The following SYNE3 variants were observed in gnomAD, a reference collection of about 807,000 sequenced individuals.
The protein encoded by SYNE3 is nesprin-3.
Under a neutral mutation model 111.2 loss-of-function variants are expected in SYNE3, and 100 were observed. The ratio of observed to expected loss-of-function variants is 0.90; its 90% CI spans 0.77 to 1.06. The LOEUF (loss-of-function observed/expected upper bound fraction) is 1.06. Among genes scored for constraint, SYNE3 ranks in the 50% least tolerant of loss-of-function variants. SYNE3 has a pLI of 0.00. For synonymous variants in SYNE3, 547 were observed against 533.9 expected (o/e 1.02, Z -0.34); for missense variants, 1,160 against 1,240.3 (o/e 0.94, Z 0.97).
chr14:95,466,800 G>A (rs1194565383), intron 3 of SYNE3, among the ~76,000 whole-genome samples: 2 of 152,198 alleles, frequency 1.3e-5, no homozygotes, highest in Non-Finnish European at 2.9e-5. Flanking sequence ...TGTCTCCCTG[G>A]GGGCTGGTGG....
At chr14:95,427,343 A>G (rs1379206745) in intron 17 of SYNE3, among the ~76,000 whole-genome samples, 2 of 151,452 alleles carry the variant, frequency 1.3e-5, no homozygotes. Context: ...TTTAGAGAAG[A>G]CTCTACTCCT....
chr14:95,503,515 A>G (rs1890416529), intron 1 of SYNE3, among the ~76,000 whole-genome samples: 1 of 151,138 alleles, frequency 6.6e-6, no homozygotes, highest in Non-Finnish European at 1.5e-5. Flanking sequence ...GCTCTTAACC[A>G]CTAGACCATT....
intron 2 of SYNE3, among the ~76,000 whole-genome samples, chr14:95,474,946 T>C (rs1420213849): frequency 1.3e-5 from 2 of 152,246 alleles, no homozygotes; most frequent in African/African-American, 4.8e-5. Flanking sequence ...GGAAGTCAAC[T>C]GCTCCATTTG....
rs1170613183 is a variant in SYNE3 at position 95,417,942 on chromosome 14, G to A, written c.2812C>T (p.Leu938Phe). 5.6e-6 allele frequency: 9 copies of A among 1,613,858 alleles called. No homozygotes were observed. Among genetic ancestry groups the A allele is most frequent in the Non-Finnish European group, 7.6e-6 (9 of 1,180,024 alleles). The change falls in exon 18 of 18, where the codon CTC becomes TTC. Residue 938 changes from leucine to phenylalanine, a missense_variant. Transcript: ENST00000682763. ...LPLQLLLLLF[L>F]LLLFLLPIRE... Reference sequence around the variant, plus strand: ...ATTGGGAGCAGGAACAGCAGGAGGAGGAACAGCAGCAGAAGCAGCTGCAGT... The same window carrying A: ...ATTGGGAGCAGGAACAGCAGGAGGAAGAACAGCAGCAGAAGCAGCTGCAGT...
chr14:95,487,305 T>G (rs1178000273), intron 1 of SYNE3, among the ~76,000 whole-genome samples: 1 of 152,228 alleles, frequency 6.6e-6, no homozygotes, highest in Non-Finnish European at 1.5e-5. Context: ...TTCTTATATT[T>G]CTTACACCTT....
intron 3 of SYNE3, among the ~76,000 whole-genome samples, chr14:95,467,145 A>G (rs964347684): frequency 3.9e-5 from 6 of 152,190 alleles, no homozygotes; most frequent in Admixed American, 1.3e-4. Flanking sequence ...GCACTGTGCA[A>G]AGTCATTCCC....
At position 95,412,552 on chromosome 14, in the gene SYNE3, G is replaced by A. The variant is rs11622137; in HGVS notation, c.*5274C>T. 109,138 of 152,146 alleles carry A rather than the reference G, an allele frequency of 0.72. 39,388 individuals are homozygous for A. The highest frequency in any genetic ancestry group is 0.76 in the Non-Finnish European group (51,724 of 68,058). 9.4% of individuals were successfully genotyped at this position (152,146 alleles called of 1,614,324 possible). A position where few individuals can be genotyped will look rare whatever the true frequency, so the allele number is the denominator to read the frequency against. ...CAGGGGAGAGAAAGCCGCAGACCCC[G>A]GACAGCATCCGAATGGCCAGTGGGA... On this transcript the variant is annotated 3_prime_UTR_variant, in exon 18 of 18. Transcript: ENST00000682763.
Position 95,409,258 on chromosome 14 carries a change from C to G in SYNE3, c.*8568G>C, listed in dbSNP as rs1387132571. On this transcript the variant is annotated 3_prime_UTR_variant, in exon 18 of 18. Transcript: ENST00000682763. ...GCAGGCTGCTGACCCTCTCCACACT[C>G]TGGTTTCTGATCATGACTCCATAGC... 1 of 456,780 alleles carries G rather than the reference C, an allele frequency of 2.2e-6. No individual in the cohort carries two copies. The highest frequency in any genetic ancestry group is 4.4e-6 in the Non-Finnish European group (1 of 226,982). 28.3% of individuals were successfully genotyped at this position (456,780 alleles called of 1,614,324 possible).
In SYNE3 at chr14:95,502,396, C is replaced by T. The variant is rs1048556779; in HGVS notation, c.-15+14200G>A. 4.0e-5 allele frequency among the ~76,000 whole-genome samples: 6 copies of T among 151,892 alleles called. No individual in the cohort carries two copies. The South Asian group carries it at 6.3e-4, about 16-fold the overall frequency. On this transcript the variant is annotated intron_variant, in intron 1 of 17. Coordinates refer to ENST00000682763, the MANE Select transcript of SYNE3 (RefSeq NM_152592.6). ...AGGGAGACTTGCTCTGGGTTATGGA[C>T]GGGACAGCCGCCTACAGCCTGTGTG...
intron 1 of SYNE3, among the ~76,000 whole-genome samples, chr14:95,514,561 A>G (rs1051842079): frequency 6.6e-6 from 1 of 152,244 alleles, no homozygotes; most frequent in African/African-American, 2.4e-5. Flanking sequence ...AATGCTGATC[A>G]GGGCAAAGCT....
intron 17 of SYNE3, among the ~76,000 whole-genome samples, chr14:95,422,731 G>A (rs1885195352): frequency 1.3e-5 from 2 of 152,232 alleles, no homozygotes; most frequent in South Asian, 4.1e-4. Flanking sequence ...GCTGCTCTCT[G>A]GCATGGAGGG....
intron 3 of SYNE3, among the ~76,000 whole-genome samples, chr14:95,466,739 G>C (rs1888206914): frequency 6.6e-6 from 1 of 152,220 alleles, no homozygotes; most frequent in African/African-American, 2.4e-5. Flanking sequence ...CTTTGGATCT[G>C]TCTTTACTAA....
At chr14:95,450,650 C>G (rs530627137) in intron 7 of SYNE3, 1 of 152,826 alleles carries the variant, frequency 6.5e-6, no homozygotes, top group East Asian at 1.9e-4. Context: ...GCACTCCAAC[C>G]TAGGTGACAG....
intron 1 of SYNE3, among the ~76,000 whole-genome samples, chr14:95,492,125 C>A (rs960098976): frequency 6.6e-6 from 1 of 152,172 alleles, no homozygotes; most frequent in Non-Finnish European, 1.5e-5. Context: ...AAGATAATAA[C>A]CAGTGTTGGT....
chr14:95,501,158 A>G (rs943459076), intron 1 of SYNE3, among the ~76,000 whole-genome samples: 5 of 152,136 alleles, frequency 3.3e-5, no homozygotes, highest in African/African-American at 4.8e-5. Context: ...TGGTGACTCC[A>G]TCCCAGCCTG....
At chr14:95,514,295 A>C (rs900593480) in intron 1 of SYNE3, among the ~76,000 whole-genome samples, 4 of 152,198 alleles carry the variant, frequency 2.6e-5, no homozygotes, top group Non-Finnish European at 5.9e-5. Context: ...TGGGTTGACC[A>C]ATGGGCCACA....
chr14:95,429,861 G>A (rs1170305384), intron 17 of SYNE3: 1 of 878,520 alleles, frequency 1.1e-6, no homozygotes, highest in East Asian at 1.2e-4. Context: ...ACATCAGCTG[G>A]ACATGTGCGC....
At chr14:95,452,816 G>A (rs28566582) in intron 6 of SYNE3, among the ~76,000 whole-genome samples, 26,700 of 152,158 alleles carry the variant, frequency 0.18, 3,713 homozygotes, top group African/African-American at 0.38. Context: ...TCTGACGGTT[G>A]CAGAGTCTGT....
At chr14:95,436,749 G>T in intron 15 of SYNE3, 71 bp downstream of exon 15, 3 of 1,547,674 alleles carry the variant, frequency 1.9e-6, no homozygotes, top group African/African-American at 1.4e-5. Flanking sequence ...TTCTTTTGAA[G>T]AACTCCCTGG....
Sources: gnomAD v4.1 joint callset for allele counts (sites outside exome capture counted in the v4.1 genomes callset) on GRCh38, gnomAD v4.1.1 for gene constraint, MANE v1.5 for transcripts, NCBI Gene and HGNC (gene_info 2026-07-23, HGNC 2026-07-21) for gene names.